SLC14A1: variants seen among roughly 807,000 people sequenced by gnomAD.
The protein encoded by SLC14A1 is solute carrier family 14 member 1 (Kidd blood group).
A neutral mutation model predicts 39.6 loss-of-function variants in SLC14A1; 36 were observed. The observed-to-expected ratio is 0.91, with a 90% CI of 0.70 to 1.20. SLC14A1 has a LOEUF of 1.20. Among genes scored for constraint, SLC14A1 ranks in the 50% most tolerant of loss-of-function variants. The pLI, the probability that SLC14A1 is intolerant of heterozygous loss-of-function variation, is 0.00. For synonymous variants in SLC14A1, 164 were observed against 173.6 expected, an observed-to-expected ratio of 0.94 and a Z score of 0.43; for missense variants, 469 against 478.7, an observed-to-expected ratio of 0.98 and a Z score of 0.19.
At chr18:45,743,522 C>T (rs2047452183) in intron 8 of SLC14A1, among the ~76,000 whole-genome samples, 1 of 152,256 alleles carries the variant, frequency 6.6e-6, no homozygotes, top group South Asian at 2.1e-4. Context: ...TACTTACTAG[C>T]GTATTTGCTT....
intron 6 of SLC14A1, among the ~76,000 whole-genome samples, chr18:45,737,799 C>G (rs28898876): frequency 2.6e-5 from 4 of 152,158 alleles, no homozygotes; most frequent in African/African-American, 4.8e-5. Flanking sequence ...GATAGCCACA[C>G]GTGGCTAGGA....
At chr18:45,743,566 C>T (rs1380061917) in intron 8 of SLC14A1, among the ~76,000 whole-genome samples, 1 of 152,174 alleles carries the variant, frequency 6.6e-6, no homozygotes, top group African/African-American at 2.4e-5. Flanking sequence ...CCTTTCTATG[C>T]CTCAGTTTCC....
rs17675299 is a variant in SLC14A1, at chr18:45,739,309, G to A, written c.810G>A (p.Ala270=). 0.06 allele frequency: 96,634 copies of A among 1,614,034 alleles called. 3,335 individuals are homozygous for A. The highest frequency in any genetic ancestry group is 0.068 in the Non-Finnish European group (80,170 of 1,179,972). ...AAIGSLLGIA[A]GLSLSAPFED... is the part of the protein sequence containing the mutation. The stretch of plus-strand genomic sequence containing the variant: ...TAGGATCATTGCTGGGCATAGCAGC[G>A]GGTGAGCACAAGAGCCCTTACCAAA... The change falls in exon 7 of 10, where the codon GCG becomes GCA. Residue 270 remains alanine (A), a splice_region_variant and synonymous_variant. Coordinates refer to ENST00000321925, the MANE Select transcript of SLC14A1 (RefSeq NM_015865.7).
chr18:45,730,258 C>T, intron 2 of SLC14A1, 42 bp from the exon 3 acceptor site: 1 of 1,577,636 alleles, frequency 6.3e-7, no homozygotes, highest in Non-Finnish European at 8.6e-7. Context: ...ATCTGGAGGG[C>T]TCTGCCTTAG....
intron 8 of SLC14A1, among the ~76,000 whole-genome samples, chr18:45,742,756 C>A (rs2047421847): frequency 6.6e-6 from 1 of 152,162 alleles, no homozygotes; most frequent in Non-Finnish European, 1.5e-5. Context: ...CAGCTCACTG[C>A]AACCTCTGCC....
At position 45,750,263 on chromosome 18, in the gene SLC14A1, G is replaced by C. The variant is rs2047672228; in HGVS notation, c.*312G>C. ...AGGAGGAAGTGAAAACAAACTATTA[G>C]TATTTATTGATATTCTTGGTGTTTA... is the stretch of plus-strand genomic sequence containing the variant. On this transcript the variant is annotated 3_prime_UTR_variant, in exon 10 of 10. Coordinates refer to ENST00000321925, the MANE Select transcript of SLC14A1 (RefSeq NM_015865.7). 2 of 1,274,116 alleles carry C rather than the reference G, an allele frequency of 1.6e-6. No homozygotes were observed. The highest frequency in any genetic ancestry group is 2.0e-6 in the Non-Finnish European group (2 of 1,002,866). The allele number at this position is 1,274,116 out of a possible 1,614,324, so 78.9% of individuals were successfully genotyped here.
chr18:45,727,018 AGC>A, intron 2 of SLC14A1: 1 of 422,078 alleles, frequency 2.4e-6, no homozygotes, highest in East Asian at 4.5e-5. Context: ...TTTTTTTTTA[AGC>A]AAAGTAAATG....
intron 2 of SLC14A1, among the ~76,000 whole-genome samples, chr18:45,725,523 A>AC (rs1004282451): frequency 3.3e-5 from 5 of 151,992 alleles, no homozygotes; most frequent in African/African-American, 1.2e-4. Flanking sequence ...TGGTTGTTCA[A>AC]CCCCCACCCC....
In SLC14A1 at chr18:45,734,260, C is replaced by A. The variant is rs749908890; in HGVS notation, c.342-14C>A. 1.2e-6 allele frequency: 2 copies of A among 1,613,920 alleles called. No homozygotes were observed. Among genetic ancestry groups the A allele is most frequent in the South Asian group, 1.1e-5 (1 of 91,072 alleles). On this transcript the variant is annotated splice_polypyrimidine_tract_variant and intron_variant, in intron 4 of 9. Coordinates refer to ENST00000321925, the MANE Select transcript of SLC14A1 (RefSeq NM_015865.7). ...CACCCAGGAAATGTCCGTGCTGTGT[C>A]TCTTGCCCCACAGGTCATTAATAGC...
chr18:45,731,512 T>C (rs1276029337), intron 4 of SLC14A1: 1 of 418,134 alleles, frequency 2.4e-6, no homozygotes, highest in Non-Finnish European at 4.5e-6. Context: ...GATAAAATTA[T>C]TTGTCGTCAG....
rs1599338176 is a variant in SLC14A1, at chr18:45,751,012, C to T, written c.*1061C>T. ...TTATTTTTTGCACACTCACAATATT[C>T]TCTCTCAGAAATCAATGGCATTTGA... On this transcript the variant is annotated 3_prime_UTR_variant, in exon 10 of 10. Coordinates refer to ENST00000321925, the MANE Select transcript of SLC14A1 (RefSeq NM_015865.7). 1 of 985,108 alleles carries T rather than the reference C, an allele frequency of 1.0e-6. No individual in the cohort carries two copies. The highest frequency in any genetic ancestry group is 1.2e-6 in the Non-Finnish European group (1 of 829,692). 61.0% of individuals were successfully genotyped at this position (985,108 alleles called of 1,614,324 possible).
rs754106291 is a variant in SLC14A1, at chr18:45,731,031, C to T, written c.168C>T (p.Leu56=). The stretch of plus-strand genomic sequence containing the variant: ...CCCTTCCAGACAAACCCGTGGTGCT[C>T]CAGTTCATTGACTGGATTCTCCGGG... ...ANQLKDKPVV[L]QFIDWILRGI... is the part of the protein sequence containing the mutation. Residue 56 remains leucine (L), a synonymous_variant, in exon 4 of 10, where the codon CTC becomes CTT. Coordinates refer to ENST00000321925, the MANE Select transcript of SLC14A1 (RefSeq NM_015865.7). The T allele has an allele frequency of 2.0e-5, 33 of 1,614,016 alleles. No individual in the cohort carries two copies. In the South Asian group the frequency reaches 3.4e-4, roughly 17 times the overall value.
chr18:45,750,133 A>T lies in SLC14A1; in HGVS notation c.*182A>T. On this transcript the variant is annotated 3_prime_UTR_variant, in exon 10 of 10. Transcript: ENST00000321925. ...CAACTCCAGGAATATCCTTGAGCAT[A>T]TGAGAGTCACATCCAGGTGATGTGC... 1 of 1,476,784 alleles carries T rather than the reference A, an allele frequency of 6.8e-7. No individual in the cohort carries two copies. Among genetic ancestry groups the T allele is most frequent in the Non-Finnish European group, 8.9e-7 (1 of 1,120,110 alleles). The allele number at this position is 1,476,784 out of a possible 1,614,324, so 91.5% of individuals were successfully genotyped here. A position where few individuals can be genotyped will look rare whatever the true frequency, so the allele number is the denominator to read the frequency against.
At chr18:45,735,673 G>A (rs1331245391) in intron 5 of SLC14A1, among the ~76,000 whole-genome samples, 1 of 152,330 alleles carries the variant, frequency 6.6e-6, no homozygotes, top group East Asian at 1.9e-4. Flanking sequence ...GGACCTACCT[G>A]TAGAGCTAAA....
chr18:45,734,458 G>T, intron 5 of SLC14A1, 56 bp downstream of exon 5: 1 of 1,585,636 alleles, frequency 6.3e-7, no homozygotes, highest in Non-Finnish European at 8.6e-7. Flanking sequence ...ATGGCAGAAG[G>T]AGGGAATGGG....
chr18:45,726,072 G>A (rs1356274325), intron 2 of SLC14A1, among the ~76,000 whole-genome samples: 1 of 152,040 alleles, frequency 6.6e-6, no homozygotes, highest in African/African-American at 2.4e-5. Flanking sequence ...CCCTACCACT[G>A]GGTTTCTTAA....
chr18:45,729,198 C>T (rs1014538261), intron 2 of SLC14A1: 7 of 152,158 alleles, frequency 4.6e-5, no homozygotes, highest in Non-Finnish European at 1.0e-4. Flanking sequence ...CACAATTATG[C>T]CTTCCAGGGT....
At chr18:45,734,694 T>C (rs910227063) in intron 5 of SLC14A1, among the ~76,000 whole-genome samples, 1 of 152,106 alleles carries the variant, frequency 6.6e-6, no homozygotes, top group African/African-American at 2.4e-5. Flanking sequence ...GAGCTATGAT[T>C]GCGTCACCGC....
At chr18:45,740,436 T>TCCCC (rs2047334081) in intron 8 of SLC14A1, among the ~76,000 whole-genome samples, 1 of 151,920 alleles carries the variant, frequency 6.6e-6, no homozygotes, top group African/African-American at 2.4e-5. Flanking sequence ...TATTTCTTTT[T>TCCCC]TTATTTTTCT....
Sources: gnomAD v4.1 joint callset for allele counts (sites outside exome capture counted in the v4.1 genomes callset) on GRCh38, gnomAD v4.1.1 for gene constraint, MANE v1.5 for transcripts, NCBI Gene and HGNC (gene_info 2026-07-23, HGNC 2026-07-21) for gene names.